The following FAM240A variants were observed in gnomAD, a reference collection of about 807,000 sequenced individuals.
FAM240A encodes protein FAM240A.
In FAM240A, 8 loss-of-function variants were observed where a neutral mutation model predicts 7.3. The observed-to-expected ratio is 1.09, with a 90% CI of 0.64 to 1.97. The LOEUF is 1.97. FAM240A is among the 30% of genes most tolerant of loss of function. The pLI, the probability that FAM240A is intolerant of heterozygous loss-of-function variation, is 0.00. For synonymous variants in FAM240A, 32 were observed against 35.9 expected (o/e 0.89, Z 0.38); for missense variants, 90 against 102.2 (o/e 0.88, Z 0.52).
chr3:46,625,467 A>C lies in FAM240A; in HGVS notation c.*249A>C. ...TCTAAAGATAGCTTATTTAATATCG[A>C]AGCTCCATGCAGCATTCCTTGCTTC... On this transcript the variant is annotated 3_prime_UTR_variant, in exon 3 of 3. Coordinates refer to ENST00000640551, the MANE Select transcript of FAM240A (RefSeq NM_001195442.2). The C allele has an allele frequency of 3.8e-6, 1 of 263,280 alleles. No individual in the cohort carries two copies. The highest frequency in any genetic ancestry group is 7.2e-6 in the Non-Finnish European group (1 of 138,794). 16.3% of individuals were successfully genotyped at this position (263,280 alleles called of 1,614,324 possible). A position where few individuals can be genotyped will look rare whatever the true frequency, so the allele number is the denominator to read the frequency against.
Position 46,612,566 on chromosome 3 carries a change from T to G in FAM240A, c.-118T>G. 3.6e-5 allele frequency: 28 copies of G among 777,428 alleles called. No homozygotes were observed. The South Asian group carries it at 4.2e-4, about 12-fold the overall frequency. 48.2% of individuals were successfully genotyped at this position (777,428 alleles called of 1,614,324 possible). A position where few individuals can be genotyped will look rare whatever the true frequency, so the allele number is the denominator to read the frequency against. ...GTTAAGGCTTGCGAGGGACAAATGT[T>G]CCTTTGTTCTTGTTGATTTGCTGAA... On this transcript the variant is annotated 5_prime_UTR_variant, in exon 1 of 3. Transcript: ENST00000640551.
At position 46,625,916 on chromosome 3, in the gene FAM240A, C is replaced by CCA. The variant is rs973099958; in HGVS notation, c.*699_*700dup. On this transcript the variant is annotated 3_prime_UTR_variant, in exon 3 of 3. Transcript: ENST00000640551. Reference sequence around the variant, plus strand: ...ACTGGTTGGCTCTCTGTCAGCCCAGCCAAAGCATATCTGGCCATTCCACAG... The same window carrying CCA: ...ACTGGTTGGCTCTCTGTCAGCCCAGCCACAAAGCATATCTGGCCATTCCACAG... 6.6e-5 allele frequency: 10 copies of CCA among 152,168 alleles called. No homozygotes were observed. The highest frequency in any genetic ancestry group is 2.2e-4 in the African/African-American group (9 of 41,430). 9.4% of individuals were successfully genotyped at this position (152,168 alleles called of 1,614,324 possible).
In FAM240A at chr3:46,617,184, G is replaced by C. The variant is rs763084454; in HGVS notation, c.17G>C (p.Gly6Ala). 5.3e-6 allele frequency: 8 copies of C among 1,517,946 alleles called. No homozygotes were observed. The highest frequency in any genetic ancestry group is 7.0e-6 in the Non-Finnish European group (8 of 1,139,364). 94.0% of individuals were successfully genotyped at this position (1,517,946 alleles called of 1,614,324 possible). A position where few individuals can be genotyped will look rare whatever the true frequency, so the allele number is the denominator to read the frequency against. Residue 6 changes from glycine (G) to alanine (A), a missense_variant and splice_region_variant, in exon 2 of 3, where the codon GGG becomes GCG. Physicochemically the swap from Gly to Ala is moderately conservative, Grantham distance 60. Coordinates refer to ENST00000640551, the MANE Select transcript of FAM240A (RefSeq NM_001195442.2). ...TTGTATGGCTATTTTCCTTTTTAGGGGATGAACAATCAATACACCCGTCGG... is the reference window on the plus strand; with the variant it reads ...TTGTATGGCTATTTTCCTTTTTAGGCGATGAACAATCAATACACCCGTCGG... Reference protein sequence around the residue: MRLFSGMNNQYTRREV... With the variant: MRLFSAMNNQYTRREV...
intron 1 of FAM240A, 88 bp from the exon 2 acceptor site, chr3:46,617,095 T>C: frequency 1.1e-6 from 1 of 928,900 alleles, no homozygotes; most frequent in African/African-American, 1.6e-5. Flanking sequence ...CTCATTGTGG[T>C]TTTAATTTAC....
At chr3:46,615,212 C>A (rs1168641963) in intron 1 of FAM240A, among the ~76,000 whole-genome samples, 1 of 152,100 alleles carries the variant, frequency 6.6e-6, no homozygotes, top group African/African-American at 2.4e-5. Flanking sequence ...GTGGCCCAGA[C>A]CTCTATGCTG....
intron 2 of FAM240A, among the ~76,000 whole-genome samples, chr3:46,622,342 G>T (rs545584210): frequency 6.6e-6 from 1 of 151,934 alleles, no homozygotes; most frequent in South Asian, 2.1e-4. Context: ...TTCTGACCTC[G>T]TGATCTGCCC....
intron 1 of FAM240A, among the ~76,000 whole-genome samples, chr3:46,614,678 T>C (rs1697608249): frequency 6.6e-6 from 1 of 152,238 alleles, no homozygotes; most frequent in African/African-American, 2.4e-5. Flanking sequence ...CAAACGCTCT[T>C]ACCCAGTGCT....
chr3:46,620,706 C>A (rs146802548), intron 2 of FAM240A, among the ~76,000 whole-genome samples: 342 of 152,186 alleles, frequency 2.2e-3, no homozygotes, highest in African/African-American at 7.5e-3. Flanking sequence ...GGGAGAATTT[C>A]CAGATTAAAG....
rs553471524 is a variant in FAM240A, at chr3:46,625,065, C to T, written c.162-63C>T. 1.4e-4 allele frequency: 173 copies of T among 1,241,586 alleles called. No homozygotes were observed. In the South Asian group the frequency reaches 2.2e-3, roughly 16 times the overall value. 76.9% of individuals were successfully genotyped at this position (1,241,586 alleles called of 1,614,324 possible). On this transcript the variant is annotated intron_variant, in intron 2 of 2. Coordinates refer to ENST00000640551, the MANE Select transcript of FAM240A (RefSeq NM_001195442.2). The stretch of plus-strand genomic sequence containing the variant: ...AGGGGCTGGGAGGACAGGAAGAAAG[C>T]TCTCCTGAACCAAGAGCCATGGAAA...
chr3:46,618,741 G>A (rs1559438734), intron 2 of FAM240A, among the ~76,000 whole-genome samples: 2 of 151,930 alleles, frequency 1.3e-5, no homozygotes, highest in African/African-American at 2.4e-5. Context: ...TCGGGAGGCT[G>A]AGGCAGGAGA....
intron 2 of FAM240A, among the ~76,000 whole-genome samples, chr3:46,622,070 T>C (rs1268307739): frequency 6.6e-6 from 1 of 150,858 alleles, no homozygotes; most frequent in Non-Finnish European, 1.5e-5. Context: ...AGAGATGTTC[T>C]CAATTTTGAT....
At chr3:46,616,781 C>T (rs139624744) in intron 1 of FAM240A, among the ~76,000 whole-genome samples, 65 of 151,192 alleles carry the variant, frequency 4.3e-4, no homozygotes, top group Middle Eastern at 3.4e-3. Flanking sequence ...AGTTTGACTC[C>T]ATATCTTTGC....
chr3:46,620,092 C>G (rs1264152716), intron 2 of FAM240A, among the ~76,000 whole-genome samples: 1 of 151,892 alleles, frequency 6.6e-6, no homozygotes, highest in Non-Finnish European at 1.5e-5. Flanking sequence ...CCTTTGATCC[C>G]CACCCCCATC....
intron 2 of FAM240A, among the ~76,000 whole-genome samples, chr3:46,622,919 A>T (rs1454623858): frequency 4.6e-5 from 7 of 152,154 alleles, no homozygotes; most frequent in Non-Finnish European, 1.0e-4. Flanking sequence ...TGCTGGTTTG[A>T]TTGGGATGGA....
intron 2 of FAM240A, among the ~76,000 whole-genome samples, chr3:46,621,352 A>G (rs1478926079): frequency 2.4e-5 from 2 of 83,628 alleles, no homozygotes; most frequent in Non-Finnish European, 5.8e-5. Context: ...CAGACTTTAT[A>G]TTGTCTGTTA....
At chr3:46,614,782 A>G (rs966924133) in intron 1 of FAM240A, among the ~76,000 whole-genome samples, 5 of 152,264 alleles carry the variant, frequency 3.3e-5, no homozygotes, top group Admixed American at 3.3e-4. Flanking sequence ...GACCAAGGAT[A>G]GAGATAAATG....
intron 2 of FAM240A, among the ~76,000 whole-genome samples, chr3:46,623,898 T>C (rs1201698259): frequency 5.3e-5 from 8 of 152,240 alleles, no homozygotes; most frequent in Non-Finnish European, 1.0e-4. Flanking sequence ...GTTTTAAATC[T>C]ACCATCGTGC....
chr3:46,613,345 T>G (rs887337732), intron 1 of FAM240A, among the ~76,000 whole-genome samples: 1 of 151,760 alleles, frequency 6.6e-6, no homozygotes, highest in Admixed American at 6.6e-5. Flanking sequence ...AATACAAAAA[T>G]TAGCCCGGCG....
chr3:46,624,255 C>T (rs1383120753), intron 2 of FAM240A, among the ~76,000 whole-genome samples: 3 of 140,824 alleles, frequency 2.1e-5, no homozygotes, highest in African/African-American at 5.3e-5. Flanking sequence ...TTACTTTCAA[C>T]GGTGGGCTAT....
Sources: gnomAD v4.1 joint callset for allele counts (sites outside exome capture counted in the v4.1 genomes callset) on GRCh38, gnomAD v4.1.1 for gene constraint, MANE v1.5 for transcripts, NCBI Gene and HGNC (gene_info 2026-07-23, HGNC 2026-07-21) for gene names.